The following HDAC9 variants were observed in gnomAD, a reference collection of about 807,000 sequenced individuals.
HDAC9 encodes the protein histone deacetylase 9.
Under a neutral mutation model 139.4 loss-of-function variants are expected in HDAC9, and 41 were observed. The observed-to-expected ratio is 0.29, with a 90% confidence interval of 0.23 to 0.38. The LOEUF (loss-of-function observed/expected upper bound fraction) is 0.38, where lower values mean the gene tolerates loss of function less well. HDAC9 is among the 10% of genes least tolerant of loss of function. The pLI, the probability that HDAC9 is intolerant of heterozygous loss-of-function variation, is 1.00. For synonymous variants in HDAC9, 517 were observed against 476.2 expected, an observed-to-expected ratio of 1.09 and a Z score of -1.12; for missense variants, 1,147 against 1,297.0, an observed-to-expected ratio of 0.88 and a Z score of 1.78.
chr7:18,576,903 G>A (rs1047135679), intron 2 of HDAC9, among the ~76,000 whole-genome samples: 2 of 152,076 alleles, frequency 1.3e-5, no homozygotes, highest in African/African-American at 4.8e-5. Context: ...CATAGAGGAA[G>A]CAAAGCCCTA....
At chr7:18,692,715 C>T (rs187015126) in intron 12 of HDAC9, among the ~76,000 whole-genome samples, 1 of 152,114 alleles carries the variant, frequency 6.6e-6, no homozygotes, top group East Asian at 1.9e-4. Context: ...TACTTGTTTG[C>T]TAGTCTTGTA....
At chr7:18,932,210 G>C (rs1171284432) in intron 22 of HDAC9, among the ~76,000 whole-genome samples, 1 of 151,964 alleles carries the variant, frequency 6.6e-6, no homozygotes, top group Non-Finnish European at 1.5e-5. Context: ...AGTTCACAAA[G>C]CATATAAAAA....
At chr7:18,237,965 G>C (rs74563344) in intron 2 of HDAC9, among the ~76,000 whole-genome samples, 2,226 of 152,216 alleles carry the variant, frequency 0.015, 58 homozygotes, top group African/African-American at 0.051. Flanking sequence ...TCTTTTGTTT[G>C]GTCCTTAATA....
At chr7:18,428,968 A>G (rs1790379657) in intron 1 of HDAC9, 1 of 152,242 alleles carries the variant, frequency 6.6e-6, no homozygotes, top group African/African-American at 2.4e-5. Flanking sequence ...TCACGTCTTC[A>G]GATCTGTGCT....
chr7:18,356,385 T>TTTTAAA (rs1554388607), intron 1 of HDAC9, among the ~76,000 whole-genome samples: 1 of 142,554 alleles, frequency 7.0e-6, no homozygotes, highest in Non-Finnish European at 1.5e-5. Context: ...TTTTTTTTTT[T>TTTTAAA]AAAGACAACA....
chr7:18,337,030 G>T (rs1210614827), intron 1 of HDAC9, among the ~76,000 whole-genome samples: 1 of 151,438 alleles, frequency 6.6e-6, no homozygotes, highest in Non-Finnish European at 1.5e-5. Flanking sequence ...TTCTTCAATT[G>T]AATTATAATA....
chr7:18,956,151 T>G (rs1469401845), intron 24 of HDAC9, among the ~76,000 whole-genome samples: 1 of 152,044 alleles, frequency 6.6e-6, no homozygotes, highest in Non-Finnish European at 1.5e-5. Context: ...GGATTGTCAA[T>G]TCCACTCTTC....
intron 19 of HDAC9, among the ~76,000 whole-genome samples, chr7:18,831,782 G>A (rs1006976267): frequency 5.9e-5 from 9 of 151,730 alleles, no homozygotes; most frequent in African/African-American, 2.2e-4. Context: ...GCCAATAGAT[G>A]GCTTTTCCGT....
chr7:18,802,086 A>G (rs2129184190), intron 17 of HDAC9, among the ~76,000 whole-genome samples: 1 of 151,756 alleles, frequency 6.6e-6, no homozygotes, highest in South Asian at 2.1e-4. Context: ...GGGAGGTCAT[A>G]TATTTCTTTT....
In HDAC9 at chr7:18,484,653, C is replaced by T. The variant is rs891389778; in HGVS notation, c.-41-11609C>T. On this transcript the variant is annotated intron_variant, in intron 1 of 3. Coordinates refer to the HDAC9 transcript ENST00000413509. ...AGATTTTAGTTTCGTTTAACTAGGC[C>T]TCGGTTTTTGAAGTCAACACATAAT... Among the ~76,000 whole-genome samples, 3 of 152,066 alleles carry T rather than the reference C, an allele frequency of 2.0e-5. No individual in the cohort carries two copies. In the East Asian group the frequency reaches 5.8e-4, roughly 29 times the overall value.
intron 14 of HDAC9, among the ~76,000 whole-genome samples, chr7:18,753,746 C>T (rs1302948520): frequency 1.3e-5 from 2 of 152,146 alleles, no homozygotes; most frequent in South Asian, 2.1e-4. Flanking sequence ...ATATTAGATT[C>T]GACCTTAGTT....
chr7:18,363,399 C>A (rs556906539), intron 1 of HDAC9, among the ~76,000 whole-genome samples: 1 of 152,246 alleles, frequency 6.6e-6, no homozygotes, highest in African/African-American at 2.4e-5. Flanking sequence ...AGAGAAAGAA[C>A]TGGCACACAT....
chr7:18,549,388 C>G (rs1386830181), intron 2 of HDAC9, among the ~76,000 whole-genome samples: 6 of 152,152 alleles, frequency 3.9e-5, no homozygotes, highest in African/African-American at 1.2e-4. Context: ...TAACTCAAAA[C>G]AATAAACATT....
chr7:18,168,681 A>C (rs528153148), intron 2 of HDAC9, among the ~76,000 whole-genome samples: 2 of 152,188 alleles, frequency 1.3e-5, no homozygotes, highest in African/African-American at 4.8e-5. Flanking sequence ...CTTTTACACT[A>C]AATATCCCCC....
At chr7:18,262,003 T>A (rs302191) in intron 2 of HDAC9, among the ~76,000 whole-genome samples, 120,516 of 152,234 alleles carry the variant, frequency 0.79, 47,832 homozygotes, top group South Asian at 0.87. Context: ...CAAAGATATA[T>A]CAAATCCCCT....
At chr7:18,507,206 T>TTATTATTA in intron 2 of HDAC9, among the ~76,000 whole-genome samples, 1 of 148,742 alleles carries the variant, frequency 6.7e-6, no homozygotes, top group African/African-American at 2.5e-5. Context: ...ATTATTACTA[T>TTATTATTA]TTGAGACGGA....
At chr7:18,459,029 C>A in intron 1 of HDAC9, 1 of 676,144 alleles carries the variant, frequency 1.5e-6, no homozygotes, top group Non-Finnish European at 2.6e-6. Context: ...ATATGCTTGA[C>A]CCAGTTTTGC....
At chr7:18,879,707 C>A (rs964153466) in intron 22 of HDAC9, among the ~76,000 whole-genome samples, 1 of 152,048 alleles carries the variant, frequency 6.6e-6, no homozygotes, top group East Asian at 1.9e-4. Context: ...ACTATAAAAA[C>A]CCTAGAAGAC....
At chr7:18,144,185 T>TA (rs967450694) in intron 1 of HDAC9, among the ~76,000 whole-genome samples, 7 of 151,774 alleles carry the variant, frequency 4.6e-5, no homozygotes, top group African/African-American at 1.7e-4. Flanking sequence ...AATTTGGAAA[T>TA]AAAAAAAAGG....
Sources: allele counts gnomAD v4.1 joint callset (sites outside exome capture counted in the v4.1 genomes callset), GRCh38; gene constraint gnomAD v4.1.1; transcripts MANE v1.5; gene names NCBI Gene and HGNC (gene_info 2026-07-23, HGNC 2026-07-21).